Variants in NIPAL3 observed in about 807,000 individuals in gnomAD.
The protein encoded by NIPAL3 is NIPA-like protein 3.
A neutral mutation model predicts 47.2 loss-of-function variants in NIPAL3; 41 were observed. The ratio of observed to expected loss-of-function variants is 0.87; its 90% CI spans 0.68 to 1.13. The LOEUF (loss-of-function observed/expected upper bound fraction) is 1.13, where lower values mean the gene tolerates loss of function less well. Among genes scored for constraint, NIPAL3 ranks in the 50% most tolerant of loss-of-function variants. The probability of loss-of-function intolerance (pLI) is 0.00; values close to 1 mark genes in which losing one functional copy is unlikely to be tolerated. For synonymous variants in NIPAL3, 194 were observed against 209.6 expected (o/e 0.93, Z 0.64); for missense variants, 449 against 530.1 (o/e 0.85, Z 1.50).
At chr1:24,461,127 A>G (rs1387807369) in intron 10 of NIPAL3, among the ~76,000 whole-genome samples, 2 of 152,260 alleles carry the variant, frequency 1.3e-5, no homozygotes, top group Non-Finnish European at 2.9e-5. Flanking sequence ...GCTCAGCAGT[A>G]GAATACAAGT....
chr1:24,428,228 C>A (rs1161153060), intron 2 of NIPAL3, among the ~76,000 whole-genome samples: 2 of 140,870 alleles, frequency 1.4e-5, no homozygotes, highest in Non-Finnish European at 3.1e-5. Context: ...TCCAGCCTGG[C>A]TGACAGAGCG....
intron 2 of NIPAL3, chr1:24,433,175 C>G (rs535675697): frequency 1.3e-5 from 2 of 152,148 alleles, no homozygotes; most frequent in African/African-American, 4.8e-5. Context: ...AAGATATGTC[C>G]GAGTCACAGT....
chr1:24,448,150 A>T (rs942203168), intron 5 of NIPAL3, among the ~76,000 whole-genome samples: 1 of 152,232 alleles, frequency 6.6e-6, no homozygotes, highest in Non-Finnish European at 1.5e-5. Context: ...AAGATAAAAG[A>T]CATTTAACAT....
chr1:24,454,218 A>G lies in NIPAL3; in HGVS notation c.637+714A>G. On this transcript the variant is annotated intron_variant, in intron 7 of 11. Transcript: ENST00000374399. This position sits in a 1 kb window ranked among gnomAD's most constrained non-coding sequence, Gnocchi z 4.1. Reference sequence around the variant, plus strand: ...GAACTGCATATAATTTTATAGCTAAATAGAGCTGTGGGGAATCCATCCTTC... The same window carrying G: ...GAACTGCATATAATTTTATAGCTAAGTAGAGCTGTGGGGAATCCATCCTTC... 4 of 1,190,306 alleles carry G rather than the reference A, an allele frequency of 3.4e-6. No individual in the cohort carries two copies. Among genetic ancestry groups the G allele is most frequent in the Non-Finnish European group, 3.2e-6 (3 of 945,030 alleles). The allele number at this position is 1,190,306 out of a possible 1,614,324, so 73.7% of individuals were successfully genotyped here.
At chr1:24,428,434 C>A (rs1461971796) in intron 2 of NIPAL3, among the ~76,000 whole-genome samples, 2 of 152,178 alleles carry the variant, frequency 1.3e-5, no homozygotes, top group African/African-American at 2.4e-5. Flanking sequence ...AGAAGACCCC[C>A]ATTCCAGAGA....
intron 2 of NIPAL3, among the ~76,000 whole-genome samples, chr1:24,426,330 C>T (rs376045603): frequency 3.3e-5 from 5 of 151,632 alleles, no homozygotes; most frequent in South Asian, 4.2e-4. Flanking sequence ...AGTTTCAGTC[C>T]GTCGCCCAGG....
Position 24,465,659 on chromosome 1 carries a change from G to A in NIPAL3, c.1021+1539G>A, listed in dbSNP as rs185617618. On this transcript the variant is annotated intron_variant, in intron 11 of 11. Coordinates refer to ENST00000374399, the MANE Select transcript of NIPAL3 (RefSeq NM_020448.5). ...GTACTGTGAAGAGCGTGGGCTTGGA[G>A]TTCAGATGACCTGGATTCAAATCCC... is the stretch of plus-strand genomic sequence containing the variant. 5.9e-4 allele frequency: 102 copies of A among 172,768 alleles called. 1 individual carries two copies. The highest frequency in any genetic ancestry group is 5.6e-3 in the Middle Eastern group (2 of 358). The allele number at this position is 172,768 out of a possible 1,614,324, so 10.7% of individuals were successfully genotyped here.
Position 24,451,630 on chromosome 1 carries a change from G to A in NIPAL3, c.541-1778G>A, listed in dbSNP as rs1468729513. 1.3e-5 allele frequency among the ~76,000 whole-genome samples: 2 copies of A among 152,004 alleles called. No individual in the cohort carries two copies. Among genetic ancestry groups the A allele is most frequent in the African/African-American group, 4.8e-5 (2 of 41,364 alleles). On this transcript the variant is annotated intron_variant, in intron 6 of 11. Coordinates refer to ENST00000374399, the MANE Select transcript of NIPAL3 (RefSeq NM_020448.5). This position sits in a 1 kb window ranked among gnomAD's most constrained non-coding sequence, Gnocchi z 4.5. The stretch of plus-strand genomic sequence containing the variant: ...AGGTGGGAGGATAGCTTTGAGCCCT[G>A]GAGGTCAAAGCTGCAGTAAGCCATG...
chr1:24,457,031 G>A (rs1274956454), intron 8 of NIPAL3, among the ~76,000 whole-genome samples: 1 of 152,052 alleles, frequency 6.6e-6, no homozygotes, highest in Non-Finnish European at 1.5e-5. Context: ...CAAAGTACTG[G>A]GATTACAGGC....
chr1:24,465,625 A>G (rs1646665897), intron 11 of NIPAL3: 1 of 154,176 alleles, frequency 6.5e-6, no homozygotes, highest in African/African-American at 2.4e-5. Context: ...TTCCGATTGT[A>G]GGTGTTCTGT....
intron 2 of NIPAL3, among the ~76,000 whole-genome samples, chr1:24,425,318 G>A (rs1253947011): frequency 1.4e-5 from 2 of 138,962 alleles, no homozygotes; most frequent in Non-Finnish European, 3.1e-5. Flanking sequence ...TTTTTTTTGC[G>A]ATTTTTTTTA....
intron 11 of NIPAL3, among the ~76,000 whole-genome samples, chr1:24,467,916 C>G (rs1184841270): frequency 6.6e-6 from 1 of 152,188 alleles, no homozygotes; most frequent in Non-Finnish European, 1.5e-5. Flanking sequence ...TAGATGTCAG[C>G]TGTTATTATC....
At chr1:24,419,806 T>C (rs1470563174) in intron 2 of NIPAL3, 166 bp downstream of exon 2, 3 of 626,484 alleles carry the variant, frequency 4.8e-6, no homozygotes, top group Non-Finnish European at 8.3e-6. Flanking sequence ...AGACAAGAGA[T>C]GGGCCGGGAG....
At chr1:24,438,068 G>A (rs1280543265) in intron 2 of NIPAL3, among the ~76,000 whole-genome samples, 1 of 152,140 alleles carries the variant, frequency 6.6e-6, no homozygotes, top group Admixed American at 6.5e-5. Flanking sequence ...GTGGGTAGAG[G>A]ATGCATTGCC....
In NIPAL3 at chr1:24,449,398, C is replaced by T. The variant is rs2148824854; in HGVS notation, c.395-83C>T. 6.9e-7 allele frequency: 1 copy of T among 1,444,428 alleles called. No homozygotes were observed. The highest frequency in any genetic ancestry group is 1.5e-5 in the South Asian group (1 of 68,194). 89.5% of individuals were successfully genotyped at this position (1,444,428 alleles called of 1,614,324 possible). A position where few individuals can be genotyped will look rare whatever the true frequency, so the allele number is the denominator to read the frequency against. On this transcript the variant is annotated intron_variant, in intron 5 of 11. Coordinates refer to ENST00000374399, the MANE Select transcript of NIPAL3 (RefSeq NM_020448.5). This position sits in a 1 kb window ranked among gnomAD's most constrained non-coding sequence, Gnocchi z 4.5. ...AGGTCATGGTATGTTGCAGGAGAAG[C>T]CTGTTTTTTCATGGCTGAGAACGTG...
chr1:24,427,598 G>A (rs989480225), intron 2 of NIPAL3, among the ~76,000 whole-genome samples: 1 of 151,858 alleles, frequency 6.6e-6, no homozygotes, highest in African/African-American at 2.4e-5. Flanking sequence ...CACCTTTGAA[G>A]GACACTTCAC....
chr1:24,459,314 C>T (rs1250572351), intron 9 of NIPAL3, among the ~76,000 whole-genome samples: 1 of 152,162 alleles, frequency 6.6e-6, no homozygotes, highest in Non-Finnish European at 1.5e-5. Context: ...TCTTCTAGCT[C>T]CACAACCCCC....
At chr1:24,464,684 T>C (rs1193532157) in intron 11 of NIPAL3, 1 of 152,220 alleles carries the variant, frequency 6.6e-6, no homozygotes, top group African/African-American at 2.4e-5. Flanking sequence ...GGAGAGTGCC[T>C]GTCTAGCCTA....
chr1:24,446,036 A>T (rs1249092203), intron 5 of NIPAL3, among the ~76,000 whole-genome samples: 1 of 147,552 alleles, frequency 6.8e-6, no homozygotes, highest in Non-Finnish European at 1.5e-5. Context: ...CAGCAGTAGG[A>T]TAGATGGGGC....
Sources: allele counts gnomAD v4.1 joint callset (sites outside exome capture counted in the v4.1 genomes callset), GRCh38; gene constraint gnomAD v4.1.1; non-coding constraint Gnocchi (gnomAD v3.1); transcripts MANE v1.5; gene names NCBI Gene and HGNC (gene_info 2026-07-23, HGNC 2026-07-21).